Variants in STRBP observed in about 807,000 individuals in gnomAD.
STRBP encodes spermatid perinuclear RNA binding protein, also known as spermatid perinuclear RNA-binding protein.
In STRBP, 13 loss-of-function variants were observed where a neutral mutation model predicts 80.1. The observed-to-expected ratio is 0.16, with a 90% CI of 0.11 to 0.26. The LOEUF is 0.26. Ranked by LOEUF, STRBP falls within the 10% of genes least tolerant of loss-of-function variation. The pLI, the probability that STRBP is intolerant of heterozygous loss-of-function variation, is 1.00. For missense variants in STRBP, 485 were observed against 815.2 expected, an observed-to-expected ratio of 0.59 and a Z score of 4.93; for synonymous variants, 284 against 291.2, an observed-to-expected ratio of 0.98 and a Z score of 0.25.
chr9:123,124,564 T>G lies in STRBP; in HGVS notation c.*1033A>C, dbSNP rs1247689260. 3.0e-6 allele frequency: 3 copies of G among 985,338 alleles called. No homozygotes were observed. Among genetic ancestry groups the G allele is most frequent in the Non-Finnish European group, 3.6e-6 (3 of 829,942 alleles). 61.0% of individuals were successfully genotyped at this position (985,338 alleles called of 1,614,324 possible). A position where few individuals can be genotyped will look rare whatever the true frequency, so the allele number is the denominator to read the frequency against. On this transcript the variant is annotated 3_prime_UTR_variant, in exon 19 of 19. Coordinates refer to ENST00000348403, the MANE Select transcript of STRBP (RefSeq NM_018387.5). ...CAAGTTTTTATGGGGACCCTGTTGC[T>G]GCTTTAGATTCTGATGTAATTGAAG...
chr9:123,195,122 A>AAAAAC (rs1175847792), intron 2 of STRBP, among the ~76,000 whole-genome samples: 9 of 152,122 alleles, frequency 5.9e-5, no homozygotes, highest in Admixed American at 2.6e-4. Context: ...ATCAAAAACA[A>AAAAAC]AAAACAAAAC....
chr9:123,177,712 A>G (rs1192887609), intron 4 of STRBP, among the ~76,000 whole-genome samples: 2 of 152,224 alleles, frequency 1.3e-5, no homozygotes, highest in Non-Finnish European at 2.9e-5. Context: ...AGAAGAAACA[A>G]AATTAGAAAA....
At position 123,151,159 on chromosome 9, in the gene STRBP, C is replaced by A. The variant is rs568753846; in HGVS notation, c.1046-3289G>T. On this transcript the variant is annotated intron_variant, in intron 11 of 18. Transcript: ENST00000348403. ...AGATGATGGACCTTTCAAAAACAAA[C>A]TTTCTTAAAAATAATTTCAGGCAGA... is the stretch of plus-strand genomic sequence containing the variant. Among the ~76,000 whole-genome samples, 3 of 152,162 alleles carry A rather than the reference C, an allele frequency of 2.0e-5. No individual in the cohort carries two copies. In the South Asian group the frequency reaches 6.2e-4, roughly 32 times the overall value.
intron 1 of STRBP, among the ~76,000 whole-genome samples, chr9:123,253,340 G>C (rs2040955835): frequency 1.3e-5 from 2 of 152,170 alleles, no homozygotes; most frequent in African/African-American, 4.8e-5. Context: ...AAATCATAGT[G>C]GGACAGGATA....
chr9:123,154,420 A>T (rs2037191323), intron 11 of STRBP, among the ~76,000 whole-genome samples: 1 of 152,212 alleles, frequency 6.6e-6, no homozygotes, highest in Non-Finnish European at 1.5e-5. Context: ...AAAGTGGGAA[A>T]GAAAATCTAG....
At chr9:123,223,375 A>G (rs978576627) in intron 2 of STRBP, among the ~76,000 whole-genome samples, 5 of 152,192 alleles carry the variant, frequency 3.3e-5, no homozygotes, top group Non-Finnish European at 7.4e-5. Flanking sequence ...TAACATATCA[A>G]TATTTGCTCA....
chr9:123,133,617 C>A (rs2036235024), intron 16 of STRBP, among the ~76,000 whole-genome samples: 1 of 152,062 alleles, frequency 6.6e-6, no homozygotes, highest in Non-Finnish European at 1.5e-5. Context: ...CGACTCACTG[C>A]AACCTCCACC....
intron 1 of STRBP, among the ~76,000 whole-genome samples, chr9:123,245,677 G>A (rs531446597): frequency 2.0e-5 from 3 of 152,206 alleles, no homozygotes; most frequent in African/African-American, 4.8e-5. Context: ...CACCACGTCC[G>A]GCCTCAAGCA....
intron 2 of STRBP, among the ~76,000 whole-genome samples, chr9:123,185,489 A>G (rs2038659648): frequency 6.6e-6 from 1 of 152,258 alleles, no homozygotes; most frequent in African/African-American, 2.4e-5. Flanking sequence ...GAAGGAATGC[A>G]TAAGTGCTGC....
chr9:123,197,697 C>T lies in STRBP; in HGVS notation c.-164-13399G>A, dbSNP rs1319541966. On this transcript the variant is annotated intron_variant, in intron 2 of 18. Coordinates refer to ENST00000348403, the MANE Select transcript of STRBP (RefSeq NM_018387.5). The stretch of plus-strand genomic sequence containing the variant: ...TTTTTTTTTTTTTTTTTTTTTGACA[C>T]GGAGTCTCGCTCTGTCACCTAGGCT... Among the ~76,000 whole-genome samples the T allele has an allele frequency of 3.2e-5, 3 of 92,902 alleles. No homozygotes were observed. In the South Asian group the frequency reaches 1.2e-3, roughly 38 times the overall value. 60.9% of individuals were successfully genotyped at this position (92,902 alleles called of 152,430 possible).
intron 1 of STRBP, among the ~76,000 whole-genome samples, chr9:123,267,035 G>A (rs1263666945): frequency 4.5e-5 from 6 of 134,750 alleles, no homozygotes; most frequent in Admixed American, 3.8e-4. Flanking sequence ...CTCCCCAACC[G>A]CTCCACACTT....
At chr9:123,258,911 C>T (rs2041098291) in intron 1 of STRBP, among the ~76,000 whole-genome samples, 1 of 151,686 alleles carries the variant, frequency 6.6e-6, no homozygotes, top group Admixed American at 6.6e-5. Context: ...GGCATTCGAT[C>T]ACAGAAGGAC....
intron 1 of STRBP, among the ~76,000 whole-genome samples, chr9:123,258,683 C>A (rs1295048786): frequency 3.3e-5 from 5 of 151,904 alleles, no homozygotes; most frequent in East Asian, 3.9e-4. Context: ...GGGCGCCTGT[C>A]GTCCCAGCTA....
intron 1 of STRBP, among the ~76,000 whole-genome samples, chr9:123,256,125 G>T (rs1351389938): frequency 7.1e-6 from 1 of 141,536 alleles, no homozygotes; most frequent in African/African-American, 2.7e-5. Flanking sequence ...TTGGGTTCAA[G>T]CAATCCTCCA....
chr9:123,266,355 C>G (rs1233577739), intron 1 of STRBP, among the ~76,000 whole-genome samples: 1 of 152,054 alleles, frequency 6.6e-6, no homozygotes, highest in Non-Finnish European at 1.5e-5. Flanking sequence ...TCTCTCTGAC[C>G]CTAGGAGTAT....
intron 1 of STRBP, among the ~76,000 whole-genome samples, chr9:123,238,314 G>A (rs1406659061): frequency 6.6e-6 from 1 of 152,196 alleles, no homozygotes; most frequent in Non-Finnish European, 1.5e-5. Flanking sequence ...ACATGATACT[G>A]CACAATTTCA....
intron 2 of STRBP, among the ~76,000 whole-genome samples, chr9:123,230,554 G>A (rs1049066514): frequency 1.3e-5 from 2 of 152,124 alleles, no homozygotes; most frequent in Admixed American, 6.5e-5. Context: ...CGTCCTTTCC[G>A]TATCAGATAT....
chr9:123,257,083 T>G (rs2041049238), intron 1 of STRBP, among the ~76,000 whole-genome samples: 1 of 152,106 alleles, frequency 6.6e-6, no homozygotes, highest in South Asian at 2.1e-4. Context: ...TCCTTATTCC[T>G]GCATTCAAAT....
intron 17 of STRBP, among the ~76,000 whole-genome samples, chr9:123,129,403 A>T (rs1055932249): frequency 6.6e-5 from 10 of 152,168 alleles, no homozygotes; most frequent in Admixed American, 6.5e-4. Flanking sequence ...AAATGAAAAA[A>T]ATTTCTAAAG....
Sources: gnomAD v4.1 joint callset for allele counts (sites outside exome capture counted in the v4.1 genomes callset) on GRCh38, gnomAD v4.1.1 for gene constraint, MANE v1.5 for transcripts, NCBI Gene and HGNC (gene_info 2026-07-23, HGNC 2026-07-21) for gene names.